Variants in ALMS1 observed in about 807,000 individuals in gnomAD.
The protein encoded by ALMS1 is ALMS1 centrosome and basal body associated protein.
Under a neutral mutation model 352.2 loss-of-function variants are expected in ALMS1, and 271 were observed. The ratio of observed to expected loss-of-function variants is 0.77; its 90% CI spans 0.70 to 0.85. The LOEUF (loss-of-function observed/expected upper bound fraction) is 0.85. ALMS1 is among the 40% of genes least tolerant of loss of function. The probability of loss-of-function intolerance (pLI) is 0.00; values close to 1 mark genes in which losing one functional copy is unlikely to be tolerated. For missense variants in ALMS1, 5,445 were observed against 4,870.7 expected (o/e 1.12, Z -3.51); for synonymous variants, 1,865 against 1,761.2 (o/e 1.06, Z -1.48).
chr2:73,419,624 A>T (rs1471377196), intron 3 of ALMS1, among the ~76,000 whole-genome samples: 2 of 152,192 alleles, frequency 1.3e-5, no homozygotes, highest in East Asian at 1.9e-4. Flanking sequence ...GATGAATAGT[A>T]TACTTTGGTT....
intron 1 of ALMS1, 58 bp downstream of exon 1, chr2:73,386,250 C>A (rs1670527738): frequency 2.2e-5 from 32 of 1,423,294 alleles, no homozygotes; most frequent in Non-Finnish European, 2.8e-5. Flanking sequence ...GAGGCTGGGC[C>A]CCGAGCGCTC....
chr2:73,499,653 G>A (rs1673180750), intron 10 of ALMS1, among the ~76,000 whole-genome samples: 1 of 152,098 alleles, frequency 6.6e-6, no homozygotes, highest in Admixed American at 6.5e-5. Flanking sequence ...TAGCCTTGGT[G>A]TCTGTTCCCA....
chr2:73,515,768 T>TACACACACACACACACACAC (rs71406825), intron 10 of ALMS1, among the ~76,000 whole-genome samples: 3 of 141,480 alleles, frequency 2.1e-5, no homozygotes, highest in African/African-American at 7.8e-5. Context: ...TCCACAGAAA[T>TACACACACACACACACACAC]ACACACACAC....
chr2:73,395,833 G>A (rs1025718101), intron 1 of ALMS1, among the ~76,000 whole-genome samples: 3 of 152,100 alleles, frequency 2.0e-5, no homozygotes, highest in African/African-American at 7.2e-5. Flanking sequence ...TTCAATAGGA[G>A]GGGTAAGAGT....
intron 9 of ALMS1, among the ~76,000 whole-genome samples, chr2:73,464,592 C>G (rs1672287558): frequency 6.6e-6 from 1 of 152,062 alleles, no homozygotes; most frequent in Non-Finnish European, 1.5e-5. Flanking sequence ...GAAGTTCTGG[C>G]CAGGGCAGTT....
At position 73,450,749 on chromosome 2, in the gene ALMS1, G is replaced by A. The variant is rs200529564; in HGVS notation, c.4222G>A (p.Val1408Ile). 878 of 1,612,126 alleles carry A rather than the reference G, an allele frequency of 5.4e-4. No individual in the cohort carries two copies. Among genetic ancestry groups the A allele is most frequent in the Non-Finnish European group, 6.7e-4 (786 of 1,179,514 alleles). ...TCATCTAACTGAAGAGGCTAAGAACGTTTCAGCGGTTCCTGGACCAGGTGA... is the reference window on the plus strand; with the variant it reads ...TCATCTAACTGAAGAGGCTAAGAACATTTCAGCGGTTCCTGGACCAGGTGA... ...GSHLTEEAKN[V>I]SAVPGPGDRK... The change falls in exon 8 of 23, where the codon GTT becomes ATT. Residue 1408 changes from valine to isoleucine, a missense_variant. By Grantham distance (29) the Val-to-Ile change is conservative (BLOSUM62 3). Transcript: ENST00000613296.
At chr2:73,575,379 G>A (rs1451707913) in intron 16 of ALMS1, among the ~76,000 whole-genome samples, 1 of 152,056 alleles carries the variant, frequency 6.6e-6, no homozygotes, top group Non-Finnish European at 1.5e-5. Context: ...AGTGTATAAG[G>A]GTTCCTCCAA....
intron 12 of ALMS1, among the ~76,000 whole-genome samples, chr2:73,543,297 A>G (rs1029337192): frequency 3.9e-5 from 6 of 152,178 alleles, no homozygotes; most frequent in African/African-American, 1.4e-4. Flanking sequence ...TGGTGCTGGG[A>G]AAGCTGCCTA....
Position 73,455,273 on chromosome 2 carries a change from G to A in ALMS1, c.7652G>A (p.Gly2551Glu), listed in dbSNP as rs894791034. 1 of 1,614,102 alleles carries A rather than the reference G, an allele frequency of 6.2e-7. No individual in the cohort carries two copies. The highest frequency in any genetic ancestry group is 1.7e-5 in the Admixed American group (1 of 60,008). Residue 2551 changes from glycine (G) to glutamate (E), a missense_variant, in exon 9 of 23, where the codon GGA (glycine) becomes GAA (glutamate). Coordinates refer to ENST00000613296, the MANE Select transcript of ALMS1 (RefSeq NM_001378454.1). ...ATCAAGGCAGAGTTATTTGGTCATG[G>A]AAGAACAACTGACTTGTCCAAGGTA... ...EEIKAELFGH[G>E]RTTDLSKGLQ...
At chr2:73,404,072 A>T (rs1670925683) in intron 1 of ALMS1, among the ~76,000 whole-genome samples, 1 of 152,022 alleles carries the variant, frequency 6.6e-6, no homozygotes, top group African/African-American at 2.4e-5. Context: ...TAATGTTTAC[A>T]TTTTTAGCAG....
chr2:73,554,840 G>T (rs977440272), intron 13 of ALMS1, among the ~76,000 whole-genome samples: 21 of 152,116 alleles, frequency 1.4e-4, no homozygotes, highest in African/African-American at 5.1e-4. Flanking sequence ...TTATGTGCAC[G>T]TTTTCCCCCA....
rs149365028 is a variant in ALMS1, at chr2:73,501,357, T to C, written c.9539+9859T>C. 2.7e-3 allele frequency among the ~76,000 whole-genome samples: 413 copies of C among 152,136 alleles called. 4 individuals carry two copies. The highest frequency in any genetic ancestry group is 9.4e-3 in the African/African-American group (390 of 41,528). On this transcript the variant is annotated intron_variant, in intron 10 of 22. Transcript: ENST00000613296. The stretch of plus-strand genomic sequence containing the variant: ...TAATTTTTTTTTAATGATTAGTACT[T>C]TTTTGTGTCCTGATTAAGAAATGTT...
Position 73,386,126 on chromosome 2 carries a change from G to A in ALMS1, c.258G>A (p.Arg86=). ...CCTGGCTGCAGGCGCACCCCGGCAG[G>A]ATTTTGCCTCCGCTGTCGCCCCCGC... ...AKAWLQAHPG[R]ILPPLSPPQH... is the part of the protein sequence containing the mutation. The change falls in exon 1 of 23, where the codon AGG becomes AGA. Residue 86 remains arginine, a synonymous_variant. Transcript: ENST00000613296. 1.3e-6 allele frequency: 2 copies of A among 1,574,910 alleles called. No individual in the cohort carries two copies. The highest frequency in any genetic ancestry group is 1.7e-6 in the Non-Finnish European group (2 of 1,161,062).
intron 12 of ALMS1, among the ~76,000 whole-genome samples, chr2:73,543,986 A>G (rs947134929): frequency 6.6e-6 from 1 of 152,140 alleles, no homozygotes; most frequent in African/African-American, 2.4e-5. Context: ...AACTAGAAAT[A>G]CCATTTGACC....
At chr2:73,585,726 C>CTTTTTTTTTTTT (rs58089734) in intron 16 of ALMS1, among the ~76,000 whole-genome samples, 2 of 119,540 alleles carry the variant, frequency 1.7e-5, no homozygotes, top group East Asian at 2.3e-4. Context: ...ACTTCTTGGC[C>CTTTTTTTTTTTT]TTTTTTTTTT....
rs1270489328 is a variant in ALMS1 at position 73,419,322 on chromosome 2, A to G, written c.646+4A>G. On this transcript the variant is annotated splice_donor_region_variant and intron_variant, in intron 3 of 22. Transcript: ENST00000613296. ...CTCTTCTGTTCTCCACTGCTAGGTA[A>G]TGCCTGTTTATTTTAACTAGTAGTA... The G allele has an allele frequency of 6.2e-7, 1 of 1,612,804 alleles. No homozygotes were observed. The highest frequency in any genetic ancestry group is 1.3e-5 in the African/African-American group (1 of 74,908).
chr2:73,511,033 C>T (rs1673441698), intron 10 of ALMS1, among the ~76,000 whole-genome samples: 2 of 152,168 alleles, frequency 1.3e-5, no homozygotes, highest in South Asian at 4.1e-4. Context: ...GGATGCCCCT[C>T]CTCTCACAAA....
intron 1 of ALMS1, among the ~76,000 whole-genome samples, chr2:73,399,934 T>C (rs1163024502): frequency 6.7e-6 from 1 of 148,512 alleles, no homozygotes; most frequent in Admixed American, 6.8e-5. Context: ...ATTATATTAA[T>C]TGTTTTTTTT....
chr2:73,395,060 G>GTATA lies in ALMS1; in HGVS notation c.324+8884_324+8887dup, dbSNP rs755110782. Among the ~76,000 whole-genome samples, 73 of 92,688 alleles carry GTATA rather than the reference G, an allele frequency of 7.9e-4. 6 individuals are homozygous for GTATA. The highest frequency in any genetic ancestry group is 6.6e-3 in the East Asian group (26 of 3,942). The allele number at this position is 92,688 out of a possible 152,430, so 60.8% of individuals were successfully genotyped here. A position where few individuals can be genotyped will look rare whatever the true frequency, so the allele number is the denominator to read the frequency against. On this transcript the variant is annotated intron_variant, in intron 1 of 22. Coordinates refer to ENST00000613296, the MANE Select transcript of ALMS1 (RefSeq NM_001378454.1). ...TATGTGTGTGTATATATATATATGT[G>GTATA]TATATATATATATATATATTTTTTT...
Sources: gnomAD v4.1 joint callset for allele counts (sites outside exome capture counted in the v4.1 genomes callset) on GRCh38, gnomAD v4.1.1 for gene constraint, MANE v1.5 for transcripts, NCBI Gene and HGNC (gene_info 2026-07-23, HGNC 2026-07-21) for gene names.